CCM2: variants seen among roughly 807,000 people sequenced by gnomAD.
CCM2 encodes the protein cerebral cavernous malformations 2 protein.
Under a neutral mutation model 44.9 loss-of-function variants are expected in CCM2, and 25 were observed. The observed-to-expected ratio is 0.56, with a 90% CI of 0.41 to 0.78. The LOEUF is 0.78. Ranked by LOEUF, CCM2 falls within the 30% of genes least tolerant of loss-of-function variation. The pLI, the probability that CCM2 is intolerant of heterozygous loss-of-function variation, is 0.00. For synonymous variants in CCM2, 219 were observed against 241.1 expected, an observed-to-expected ratio of 0.91 and a Z score of 0.85; for missense variants, 481 against 580.6, an observed-to-expected ratio of 0.83 and a Z score of 1.76.
intron 1 of CCM2, among the ~76,000 whole-genome samples, chr7:45,007,600 T>A (rs1296791925): frequency 6.6e-6 from 1 of 152,228 alleles, no homozygotes; most frequent in Non-Finnish European, 1.5e-5. Flanking sequence ...TTGCTTGGAT[T>A]ATGTTAAGAA....
In CCM2 at chr7:45,069,889, A is replaced by G. The variant is rs1562914098; in HGVS notation, c.673A>G (p.Thr225Ala). 6.2e-7 allele frequency: 1 copy of G among 1,614,148 alleles called. No individual in the cohort carries two copies. Among genetic ancestry groups the G allele is most frequent in the Non-Finnish European group, 8.5e-7 (1 of 1,180,024 alleles). The change falls in exon 6 of 10, where the codon ACC becomes GCC. Residue 225 changes from threonine to alanine, a missense_variant. Transcript: ENST00000258781. ...QVFQVVYTES[T>A]IDFLDRAIFD... The stretch of plus-strand genomic sequence containing the variant: ...CTTCCAGGTTGTTTACACGGAGTCC[A>G]CCATCGACTTTCTGGACAGAGCGAT...
chr7:45,042,803 A>G (rs1190747746), intron 2 of CCM2, among the ~76,000 whole-genome samples: 1 of 151,434 alleles, frequency 6.6e-6, no homozygotes, highest in African/African-American at 2.5e-5. Context: ...TCTAATTTGA[A>G]AACTCCCATT....
At chr7:45,043,949 A>G (rs960840059) in intron 2 of CCM2, among the ~76,000 whole-genome samples, 40 of 152,234 alleles carry the variant, frequency 2.6e-4, no homozygotes, top group African/African-American at 7.7e-4. Flanking sequence ...GCCCTCCTAC[A>G]TGCCCTTGAG....
intron 2 of CCM2, among the ~76,000 whole-genome samples, chr7:45,052,997 T>C (rs190140589): frequency 6.6e-6 from 1 of 152,320 alleles, no homozygotes; most frequent in African/African-American, 2.4e-5. Context: ...TTACGTCTCT[T>C]ATATTCAGGG....
chr7:45,071,470 G>A (rs1053359759), intron 6 of CCM2: 3 of 263,506 alleles, frequency 1.1e-5, no homozygotes, highest in Admixed American at 5.1e-5. Context: ...CACACGTTAC[G>A]CACATGCATG....
intron 2 of CCM2, among the ~76,000 whole-genome samples, chr7:45,061,787 G>A (rs1798537672): frequency 6.6e-6 from 1 of 152,078 alleles, no homozygotes; most frequent in Non-Finnish European, 1.5e-5. Context: ...ACCTGGCCTG[G>A]TTATACTTTT....
chr7:45,046,093 AACTACT>A (rs1797742361), intron 2 of CCM2, among the ~76,000 whole-genome samples: 1 of 152,194 alleles, frequency 6.6e-6, no homozygotes, highest in African/African-American at 2.4e-5. Flanking sequence ...GAAAAGCACA[AACTACT>A]ACTACAAGTC....
intron 2 of CCM2, among the ~76,000 whole-genome samples, chr7:45,044,792 A>G (rs1435588163): frequency 1.3e-5 from 2 of 152,192 alleles, no homozygotes; most frequent in Non-Finnish European, 2.9e-5. Context: ...GAACCATAAT[A>G]CTTTGTGATT....
At chr7:45,063,421 A>G (rs988216490) in intron 2 of CCM2, among the ~76,000 whole-genome samples, 7 of 152,182 alleles carry the variant, frequency 4.6e-5, no homozygotes, top group Non-Finnish European at 4.4e-5. Context: ...TGTGGGGACT[A>G]AGTTTCCAGC....
intron 1 of CCM2, among the ~76,000 whole-genome samples, chr7:45,016,871 G>A (rs2128716835): frequency 6.6e-6 from 1 of 152,310 alleles, no homozygotes; most frequent in East Asian, 1.9e-4. Context: ...GGCCTCAAGT[G>A]ATCTGACTGT....
intron 2 of CCM2, among the ~76,000 whole-genome samples, chr7:45,061,456 C>CTTTTTTTTTT (rs57140747): frequency 4.9e-5 from 6 of 122,282 alleles, no homozygotes; most frequent in African/African-American, 9.4e-5. Flanking sequence ...TTCTTTCTTT[C>CTTTTTTTTTT]TTTTTTTTTT....
intron 4 of CCM2, among the ~76,000 whole-genome samples, chr7:45,065,553 A>C (rs1798732568): frequency 6.6e-6 from 1 of 152,192 alleles, no homozygotes; most frequent in Non-Finnish European, 1.5e-5. Flanking sequence ...GTTCATTGAG[A>C]ATCTGGCGAG....
chr7:45,014,662 C>G, intron 1 of CCM2, among the ~76,000 whole-genome samples: 1 of 136,542 alleles, frequency 7.3e-6, no homozygotes, highest in Non-Finnish European at 1.5e-5. Context: ...TGCTTTATCA[C>G]CCAGGCTGGA....
At chr7:45,054,603 A>C (rs567833888) in intron 2 of CCM2, among the ~76,000 whole-genome samples, 7 of 152,304 alleles carry the variant, frequency 4.6e-5, no homozygotes, top group African/African-American at 1.7e-4. Flanking sequence ...TGAGCCTGCC[A>C]GCGTGGAGCT....
At chr7:45,064,109 T>A in intron 3 of CCM2, 108 bp downstream of exon 3, 1 of 763,796 alleles carries the variant, frequency 1.3e-6, no homozygotes, top group Non-Finnish European at 2.3e-6. Flanking sequence ...CCCATCACAT[T>A]ATGGGTACAC....
intron 1 of CCM2, among the ~76,000 whole-genome samples, chr7:45,033,478 G>A (rs920699275): frequency 1.3e-5 from 2 of 152,192 alleles, no homozygotes; most frequent in African/African-American, 2.4e-5. Flanking sequence ...TGGCTAACAG[G>A]CAGCTTTCAG....
At chr7:45,052,073 GTGA>G (rs1462786453) in intron 2 of CCM2, among the ~76,000 whole-genome samples, 4 of 152,204 alleles carry the variant, frequency 2.6e-5, no homozygotes, top group African/African-American at 4.8e-5. Context: ...TTGATCCAAG[GTGA>G]TGATGGTACT....
intron 8 of CCM2, 130 bp downstream of exon 8, chr7:45,073,701 T>C: frequency 1.6e-6 from 1 of 641,358 alleles, no homozygotes. Context: ...TAGAGCACTC[T>C]TGGTCAATTT....
At chr7:45,028,729 T>C (rs1289345113) in intron 1 of CCM2, among the ~76,000 whole-genome samples, 1 of 151,934 alleles carries the variant, frequency 6.6e-6, no homozygotes, top group Non-Finnish European at 1.5e-5. Context: ...ATACTTATCA[T>C]TTAGACCTCT....
Sources: allele counts gnomAD v4.1 joint callset (sites outside exome capture counted in the v4.1 genomes callset), GRCh38; gene constraint gnomAD v4.1.1; transcripts MANE v1.5; gene names NCBI Gene and HGNC (gene_info 2026-07-23, HGNC 2026-07-21).